Variants in FSAF1 observed in about 807,000 individuals in gnomAD.
The protein encoded by FSAF1 is 40S small subunit processome assembly factor 1, also known as uncharacterized protein C1orf131.
the FSAF1 span, chr1:231,226,647 G>T: frequency 8.5e-7 from 1 of 1,178,828 alleles, no homozygotes; most frequent in Non-Finnish European, 1.3e-6. Flanking sequence ...TGCCTTCATT[G>T]CTCTCCAAGC....
At chr1:231,231,454 T>C in the FSAF1 span, among the ~76,000 whole-genome samples, 5 of 152,210 alleles carry the variant, frequency 3.3e-5, no homozygotes, top group African/African-American at 1.2e-4. Context: ...TCTTCCCTCC[T>C]ACCCGCTCCA....
chr1:231,227,706 A>G, the FSAF1 span, among the ~76,000 whole-genome samples: 34 of 147,754 alleles, frequency 2.3e-4, no homozygotes, highest in Non-Finnish European at 3.7e-4. Context: ...CGCCTGCCTC[A>G]GCCTCCCGAG....
the FSAF1 span, among the ~76,000 whole-genome samples, chr1:231,235,102 G>C: frequency 6.6e-6 from 1 of 152,194 alleles, no homozygotes; most frequent in African/African-American, 2.4e-5. Flanking sequence ...CCATCTGCAA[G>C]GTCTGCAGAC....
the FSAF1 span, chr1:231,240,946 A>G: frequency 3.0e-6 from 4 of 1,330,970 alleles, no homozygotes; most frequent in Non-Finnish European, 4.3e-6. This position sits in a 1 kb window ranked among gnomAD's most constrained non-coding sequence, Gnocchi z 4.1. Context: ...AGCAGAGGCC[A>G]ACCCAGGACG....
chr1:231,225,676 C>T, the FSAF1 span: 5 of 709,756 alleles, frequency 7.0e-6, no homozygotes, highest in South Asian at 5.2e-5. Context: ...AAAGTTTTAC[C>T]CTAAAACCCT....
chr1:231,233,559 ATT>A, the FSAF1 span, among the ~76,000 whole-genome samples: 1 of 150,610 alleles, frequency 6.6e-6, no homozygotes. Context: ...TGAACAAAAA[ATT>A]TTTTTTTTTG....
the FSAF1 span, chr1:231,227,049 C>T: frequency 7.4e-4 from 1,191 of 1,614,104 alleles, 5 homozygotes; most frequent in African/African-American, 0.012. Flanking sequence ...GATACCAAAC[C>T]GGTGCACTTC....
the FSAF1 span, chr1:231,225,410 C>G: frequency 6.6e-7 from 1 of 1,514,160 alleles, no homozygotes; most frequent in Non-Finnish European, 9.2e-7. Context: ...GCGTCCTTGT[C>G]AGAACTCATC....
At chr1:231,238,951 G>C in the FSAF1 span, 5 of 1,614,058 alleles carry the variant, frequency 3.1e-6, no homozygotes, top group Admixed American at 8.3e-5. Flanking sequence ...CTTTAGGGAA[G>C]AGGGAGGAAC....
At chr1:231,238,817 G>C in the FSAF1 span, 1 of 1,537,466 alleles carries the variant, frequency 6.5e-7, no homozygotes, top group Non-Finnish European at 8.9e-7. Flanking sequence ...TACAATACCA[G>C]GGGGTTCACC....
the FSAF1 span, among the ~76,000 whole-genome samples, chr1:231,239,726 T>A: frequency 1.3e-5 from 2 of 152,366 alleles, no homozygotes; most frequent in Middle Eastern, 3.4e-3. Flanking sequence ...ATCCTAGGCA[T>A]CCTTACTCAC....
the FSAF1 span, chr1:231,238,821 G>T: frequency 6.5e-6 from 10 of 1,549,294 alleles, no homozygotes; most frequent in Non-Finnish European, 8.8e-6. Flanking sequence ...ATACCAGGGG[G>T]TTCACCACGT....
chr1:231,227,585 G>GGT, the FSAF1 span, among the ~76,000 whole-genome samples: 7 of 102,104 alleles, frequency 6.9e-5, no homozygotes, highest in South Asian at 6.9e-4. Context: ...CTCGCCCACG[G>GGT]TTTTTTTTTT....
the FSAF1 span, chr1:231,226,458 T>C: frequency 2.0e-6 from 1 of 491,530 alleles, no homozygotes; most frequent in African/African-American, 1.9e-5. Flanking sequence ...CAAATCAGCC[T>C]CCTTTCTTTA....
At chr1:231,239,136 GT>G in the FSAF1 span, 1 of 1,602,914 alleles carries the variant, frequency 6.2e-7, no homozygotes, top group Non-Finnish European at 8.5e-7. Context: ...CTCTCTTCTT[GT>G]TTTCCCTTTT....
the FSAF1 span, chr1:231,237,027 C>T: frequency 2.6e-5 from 4 of 151,286 alleles, no homozygotes; most frequent in African/African-American, 9.7e-5. Context: ...AAGGGTCTCG[C>T]TCTGTCACCC....
chr1:231,229,180 A>G, the FSAF1 span: 2 of 1,585,286 alleles, frequency 1.3e-6, no homozygotes, highest in Non-Finnish European at 1.7e-6. Flanking sequence ...GTGTATCCAC[A>G]TCTCTCTCCA....
the FSAF1 span, chr1:231,227,066 A>G: frequency 6.2e-7 from 1 of 1,614,126 alleles, no homozygotes; most frequent in Non-Finnish European, 8.5e-7. Flanking sequence ...CTTCTAAACG[A>G]GCCTGCGGAC....
the FSAF1 span, among the ~76,000 whole-genome samples, chr1:231,227,357 C>T: frequency 6.6e-6 from 1 of 152,140 alleles, no homozygotes; most frequent in Non-Finnish European, 1.5e-5. Context: ...TCACTGCAGC[C>T]TTGACCTCCT....
Sources: allele counts gnomAD v4.1 joint callset (sites outside exome capture counted in the v4.1 genomes callset), GRCh38; gene constraint gnomAD v4.1.1; non-coding constraint Gnocchi (gnomAD v3.1); transcripts MANE v1.5; gene names NCBI Gene and HGNC (gene_info 2026-07-23, HGNC 2026-07-21).